The following IL16 variants were observed in gnomAD, a reference collection of about 807,000 sequenced individuals.
IL16 encodes interleukin 16.
IL16 carries 67 observed loss-of-function variants against 110.1 expected under a neutral mutation model. The ratio of observed to expected loss-of-function variants is 0.61; its 90% confidence interval spans 0.50 to 0.75. IL16 has a LOEUF of 0.75. Among genes scored for constraint, IL16 ranks in the 30% least tolerant of loss-of-function variants. The pLI, the probability that IL16 is intolerant of heterozygous loss-of-function variation, is 0.00. For missense variants in IL16, 1,545 were observed against 1,655.0 expected (o/e 0.93, Z 1.15); for synonymous variants, 689 against 662.9 (o/e 1.04, Z -0.61).
chr15:81,265,140 A>G (rs1898316416), intron 3 of IL16, among the ~76,000 whole-genome samples: 1 of 152,180 alleles, frequency 6.6e-6, no homozygotes, highest in African/African-American at 2.4e-5. Flanking sequence ...ATTTTTGCAG[A>G]TATCCAAAGA....
chr15:81,307,101 T>C (rs1900609410), intron 18 of IL16, among the ~76,000 whole-genome samples: 1 of 152,176 alleles, frequency 6.6e-6, no homozygotes, highest in South Asian at 2.1e-4. Flanking sequence ...ACCAGTCTGA[T>C]ATGGGGGTCA....
At chr15:81,296,902 G>T in intron 12 of IL16, 26 bp from the exon 13 acceptor site, 2 of 1,568,008 alleles carry the variant, frequency 1.3e-6, no homozygotes, top group South Asian at 1.2e-5. Context: ...GTTTTGACAT[G>T]GTCTCGCTTC....
chr15:81,248,653 A>AT (rs1383159384), intron 2 of IL16, among the ~76,000 whole-genome samples: 1 of 137,750 alleles, frequency 7.3e-6, no homozygotes. Flanking sequence ...ATATTTTCTC[A>AT]TTCCCTTTCT....
At chr15:81,228,802 G>A (rs1303040350) in intron 2 of IL16, among the ~76,000 whole-genome samples, 1 of 152,142 alleles carries the variant, frequency 6.6e-6, no homozygotes, top group East Asian at 1.9e-4. Context: ...AGGTGTGTGG[G>A]CTCATTAATC....
At chr15:81,305,655 A>C in intron 16 of IL16, 1 of 483,732 alleles carries the variant, frequency 2.1e-6, no homozygotes, top group Non-Finnish European at 3.7e-6. Flanking sequence ...TCGTGGTGGT[A>C]CACTATAGGA....
chr15:81,215,719 A>G (rs1896402372), intron 1 of IL16, among the ~76,000 whole-genome samples: 1 of 151,896 alleles, frequency 6.6e-6, no homozygotes, highest in Non-Finnish European at 1.5e-5. Context: ...GCTTGTTCCC[A>G]CCCTGGCCCG....
chr15:81,233,290 G>A (rs534645050), intron 2 of IL16, among the ~76,000 whole-genome samples: 1 of 152,178 alleles, frequency 6.6e-6, no homozygotes, highest in Admixed American at 6.5e-5. Flanking sequence ...TAGTACAGTA[G>A]CACAACCAGC....
At chr15:81,267,685 A>G (rs1437147960) in intron 4 of IL16, among the ~76,000 whole-genome samples, 2 of 152,166 alleles carry the variant, frequency 1.3e-5, no homozygotes, top group Admixed American at 6.5e-5. Flanking sequence ...GTTCCCATCC[A>G]AAGGCCAGCA....
intron 1 of IL16, among the ~76,000 whole-genome samples, chr15:81,202,937 A>C (rs1386447429): frequency 6.6e-6 from 1 of 151,790 alleles, no homozygotes; most frequent in Non-Finnish European, 1.5e-5. Flanking sequence ...TTACAGTCCC[A>C]CCAACAGTGT....
At chr15:81,280,456 G>A (rs1899123218) in intron 8 of IL16, among the ~76,000 whole-genome samples, 2 of 152,230 alleles carry the variant, frequency 1.3e-5, no homozygotes, top group African/African-American at 2.4e-5. Flanking sequence ...TCTAACTGGA[G>A]TTGGAAATCC....
intron 2 of IL16, among the ~76,000 whole-genome samples, chr15:81,257,042 C>A (rs1438999689): frequency 6.6e-6 from 1 of 152,186 alleles, no homozygotes; most frequent in Non-Finnish European, 1.5e-5. Context: ...TAAGTTCTGG[C>A]AATACAGAGT....
Position 81,225,509 on chromosome 15 carries a change from C to A in IL16, c.110C>A (p.Pro37His). 1 of 1,614,112 alleles carries A rather than the reference C, an allele frequency of 6.2e-7. No individual in the cohort carries two copies. Residue 37 changes from proline (P) to histidine (H), a missense_variant, in exon 2 of 19, where the codon CCT becomes CAT. Transcript: ENST00000683961. ...AAGACCAGTGATGATGGCTCTAGCC[C>A]TGATGAGAAATATCCTGATCCCTTT... ...NAKTSDDGSS[P>H]DEKYPDPFEI...
rs906713799 is a variant in IL16, at chr15:81,312,318, G to T, written c.*3520G>T. The T allele has an allele frequency of 6.6e-6, 1 of 152,306 alleles. No homozygotes were observed. The highest frequency in any genetic ancestry group is 2.4e-5 in the African/African-American group (1 of 41,474). 9.4% of individuals were successfully genotyped at this position (152,306 alleles called of 1,614,324 possible). A position where few individuals can be genotyped will look rare whatever the true frequency, so the allele number is the denominator to read the frequency against. ...GTCTTGCAGCAGGATCTAGAGGGGG[G>T]ATTTCCAGCCAGGGCTGCTAGACGG... On this transcript the variant is annotated 3_prime_UTR_variant, in exon 19 of 19. Transcript: ENST00000683961.
At chr15:81,196,446 G>A (rs1595935068), upstream of IL16, among the ~76,000 whole-genome samples, 1 of 152,066 alleles carries the variant, frequency 6.6e-6, no homozygotes, top group Non-Finnish European at 1.5e-5. Flanking sequence ...TCTTGCTATG[G>A]TTTGCCCGGG....
chr15:81,224,605 T>C (rs1191970745), intron 1 of IL16, among the ~76,000 whole-genome samples: 1 of 152,258 alleles, frequency 6.6e-6, no homozygotes. Flanking sequence ...CAGGAGCCTG[T>C]TATGTGCTCA....
chr15:81,275,901 A>T (rs527638501), intron 6 of IL16, among the ~76,000 whole-genome samples: 1 of 152,230 alleles, frequency 6.6e-6, no homozygotes, highest in Non-Finnish European at 1.5e-5. Flanking sequence ...ATTGTGTAAG[A>T]TTTATTTGGC....
chr15:81,276,453 A>G (rs1898913985), intron 6 of IL16, among the ~76,000 whole-genome samples: 2 of 152,200 alleles, frequency 1.3e-5, no homozygotes, highest in Admixed American at 6.5e-5. Flanking sequence ...GAATGCCCAC[A>G]TGGGCAGAGG....
At chr15:81,288,823 A>ATGTGTGTG (rs1247718442) in intron 10 of IL16, among the ~76,000 whole-genome samples, 50 of 108,066 alleles carry the variant, frequency 4.6e-4, no homozygotes, top group African/African-American at 1.8e-3. Flanking sequence ...ATCTTCTAGT[A>ATGTGTGTG]TGTGTATGTG....
chr15:81,227,638 A>C (rs1896832287), intron 2 of IL16, among the ~76,000 whole-genome samples: 1 of 152,318 alleles, frequency 6.6e-6, no homozygotes, highest in East Asian at 1.9e-4. Context: ...TATTCTACGA[A>C]GGATGGGAAG....
Sources: gnomAD v4.1 joint callset for allele counts (sites outside exome capture counted in the v4.1 genomes callset) on GRCh38, gnomAD v4.1.1 for gene constraint, MANE v1.5 for transcripts, NCBI Gene and HGNC (gene_info 2026-07-23, HGNC 2026-07-21) for gene names.